Variants in GRIK4 observed in about 807,000 individuals in gnomAD.
GRIK4 encodes the protein glutamate receptor ionotropic, kainate 4.
In GRIK4, 40 loss-of-function variants were observed where a neutral mutation model predicts 104.9. That is an observed-to-expected ratio of 0.38 (90% CI 0.30 to 0.50). The LOEUF (loss-of-function observed/expected upper bound fraction) is 0.50, where lower values mean the gene tolerates loss of function less well. GRIK4 is among the 20% of genes least tolerant of loss of function. GRIK4 has a pLI of 0.93. For synonymous variants in GRIK4, 485 were observed against 524.9 expected (o/e 0.92, Z 1.04); for missense variants, 1,047 against 1,308.1 (o/e 0.80, Z 3.08).
At chr11:120,802,547 G>A in intron 3 of GRIK4, 146 bp from the exon 4 acceptor site, 1 of 690,414 alleles carries the variant, frequency 1.4e-6, no homozygotes, top group Non-Finnish European at 2.5e-6. Flanking sequence ...ACTTGTTCTG[G>A]GGGACGGTTC....
chr11:120,568,597 A>G (rs1345812184), intron 1 of GRIK4, among the ~76,000 whole-genome samples: 1 of 152,174 alleles, frequency 6.6e-6, no homozygotes, highest in Non-Finnish European at 1.5e-5. Context: ...CATGTCAGCC[A>G]GGCTGGTCTT....
rs201540837 is a variant in GRIK4, at chr11:120,537,593, A to AC, written c.-159+25709dup. On this transcript the variant is annotated intron_variant, in intron 1 of 20. Coordinates refer to ENST00000527524, the MANE Select transcript of GRIK4 (RefSeq NM_014619.5). ...ACATGTCTCCTGGAAGCTCCCTGAA[A>AC]CCCTGAGGTGGAATTAATCATTCCT... 6.7e-3 allele frequency among the ~76,000 whole-genome samples: 1,019 copies of AC among 152,026 alleles called. 15 individuals are homozygous for AC. Among genetic ancestry groups the AC allele is most frequent in the African/African-American group, 0.024 (978 of 41,440 alleles).
chr11:120,911,484 G>A (rs546448523), intron 13 of GRIK4, among the ~76,000 whole-genome samples: 10 of 147,000 alleles, frequency 6.8e-5, no homozygotes, highest in South Asian at 6.6e-4. Flanking sequence ...TGATCCGCCC[G>A]TCTCGGCCTC....
intron 1 of GRIK4, among the ~76,000 whole-genome samples, chr11:120,548,717 C>G (rs1384988963): frequency 6.6e-6 from 1 of 152,106 alleles, no homozygotes; most frequent in Non-Finnish European, 1.5e-5. Context: ...AGCAAACACC[C>G]CAGAGCAGAG....
intron 1 of GRIK4, among the ~76,000 whole-genome samples, chr11:120,601,655 T>TTG (rs1362325991): frequency 6.7e-6 from 1 of 149,702 alleles, no homozygotes; most frequent in African/African-American, 2.5e-5. Context: ...TGGTTTTTTT[T>TTG]TTTTTTTTTT....
chr11:120,831,754 A>G, intron 6 of GRIK4, 98 bp from the exon 7 acceptor site: 4 of 872,044 alleles, frequency 4.6e-6, no homozygotes. Context: ...CCCCGACCCC[A>G]CTTCCAGCCC....
At chr11:120,869,680 C>G (rs1018825415) in intron 9 of GRIK4, 1 of 152,316 alleles carries the variant, frequency 6.6e-6, no homozygotes, top group Non-Finnish European at 1.5e-5. Context: ...TGGCGTGGTG[C>G]TTCCTCTGCA....
intron 1 of GRIK4, among the ~76,000 whole-genome samples, chr11:120,564,976 C>CG (rs1183872192): frequency 2.0e-4 from 19 of 97,272 alleles, no homozygotes; most frequent in Admixed American, 8.6e-4. Context: ...CCGCCGGCTG[C>CG]GGGGGGGTGG....
chr11:120,674,637 G>T (rs11217962), intron 3 of GRIK4, among the ~76,000 whole-genome samples: 19,551 of 152,280 alleles, frequency 0.13, 1,371 homozygotes, highest in South Asian at 0.23. Flanking sequence ...TGACACAGGT[G>T]GGGGAGGGAA....
chr11:120,511,769 G>A lies in GRIK4; in HGVS notation c.-277G>A, dbSNP rs1388787371. The A allele has an allele frequency of 2.9e-6, 1 of 340,444 alleles. No homozygotes were observed. 21.1% of individuals were successfully genotyped at this position (340,444 alleles called of 1,614,324 possible). A position where few individuals can be genotyped will look rare whatever the true frequency, so the allele number is the denominator to read the frequency against. ...ACACAGACTGCCTTCAGCTGCGGGCGGATCGGGCTGGAGCCGCCACGGCTG... is the reference window on the plus strand; with the variant it reads ...ACACAGACTGCCTTCAGCTGCGGGCAGATCGGGCTGGAGCCGCCACGGCTG... On this transcript the variant is annotated 5_prime_UTR_variant, in exon 1 of 21. Transcript: ENST00000527524.
intron 1 of GRIK4, among the ~76,000 whole-genome samples, chr11:120,607,685 G>A (rs988053627): frequency 7.9e-5 from 12 of 152,156 alleles, no homozygotes; most frequent in African/African-American, 2.9e-4. Context: ...CAGGAGAGGG[G>A]TGTGGGCGTG....
Position 120,555,082 on chromosome 11 carries a change from G to T in GRIK4, c.-159+43195G>T, listed in dbSNP as rs994362188. Reference sequence around the variant, plus strand: ...TGAAGCCTGTGAGGCATGAGAAGGCGCTCTGCAGCCCGAGACCACAGGCTG... The same window carrying T: ...TGAAGCCTGTGAGGCATGAGAAGGCTCTCTGCAGCCCGAGACCACAGGCTG... On this transcript the variant is annotated intron_variant, in intron 1 of 20. Transcript: ENST00000527524. The surrounding 1 kb of genome is among the most constrained non-coding windows in gnomAD (Gnocchi z 5.3). Among the ~76,000 whole-genome samples, 2 of 152,196 alleles carry T rather than the reference G, an allele frequency of 1.3e-5. No homozygotes were observed. The highest frequency in any genetic ancestry group is 4.8e-5 in the African/African-American group (2 of 41,448).
chr11:120,921,387 GA>G (rs1264353616), intron 13 of GRIK4, among the ~76,000 whole-genome samples: 1 of 152,236 alleles, frequency 6.6e-6, no homozygotes, highest in Non-Finnish European at 1.5e-5. Context: ...AAGGCATGTG[GA>G]AGAGAATTAA....
intron 3 of GRIK4, among the ~76,000 whole-genome samples, chr11:120,742,261 G>T (rs983827588): frequency 6.6e-6 from 1 of 151,298 alleles, no homozygotes; most frequent in South Asian, 2.1e-4. Flanking sequence ...CATGAGAATC[G>T]CTTGAACCTG....
At chr11:120,776,122 A>C (rs1459712106) in intron 3 of GRIK4, among the ~76,000 whole-genome samples, 1 of 152,260 alleles carries the variant, frequency 6.6e-6, no homozygotes, top group African/African-American at 2.4e-5. Context: ...AATAAGAGAT[A>C]AACCTGCCCA....
At chr11:120,974,754 G>T (rs1174249586) in intron 19 of GRIK4, among the ~76,000 whole-genome samples, 1 of 152,132 alleles carries the variant, frequency 6.6e-6, no homozygotes, top group African/African-American at 2.4e-5. Flanking sequence ...CCTGTAGCTG[G>T]GTGGCTGTCC....
Position 120,818,846 on chromosome 11 carries a change from A to G in GRIK4, c.346-909A>G, listed in dbSNP as rs143639138. On this transcript the variant is annotated intron_variant, in intron 5 of 20. Transcript: ENST00000527524. ...ATCGATCTTCCTTGCTTTAACATCT[A>G]TACACACTGATATTCAGCTTCAGCT... is the stretch of plus-strand genomic sequence containing the variant. Among the ~76,000 whole-genome samples the G allele has an allele frequency of 1.6e-3, 237 of 152,308 alleles. 1 individual carries two copies. The highest frequency in any genetic ancestry group is 5.0e-3 in the African/African-American group (208 of 41,564).
intron 1 of GRIK4, among the ~76,000 whole-genome samples, chr11:120,518,872 G>A (rs1352293182): frequency 6.6e-6 from 1 of 152,194 alleles, no homozygotes; most frequent in Non-Finnish European, 1.5e-5. Flanking sequence ...GCCGGCCTCA[G>A]CCTCCAAAGT....
intron 1 of GRIK4, among the ~76,000 whole-genome samples, chr11:120,561,226 C>G (rs12283999): frequency 0.18 from 27,124 of 149,996 alleles, 5,191 homozygotes; most frequent in African/African-American, 0.49. Context: ...CTGGGTTTAG[C>G]GGCAGCCAGG....
Sources: allele counts gnomAD v4.1 joint callset (sites outside exome capture counted in the v4.1 genomes callset), GRCh38; gene constraint gnomAD v4.1.1; non-coding constraint Gnocchi (gnomAD v3.1); transcripts MANE v1.5; gene names NCBI Gene and HGNC (gene_info 2026-07-23, HGNC 2026-07-21).